Variants in FIP1L1 observed in about 807,000 individuals in gnomAD.
FIP1L1 encodes factor interacting with PAPOLA and CPSF1, also known as pre-mRNA 3'-end-processing factor FIP1.
In FIP1L1, 21 loss-of-function variants were observed where a neutral mutation model predicts 84.6. The ratio of observed to expected loss-of-function variants is 0.25; its 90% CI spans 0.18 to 0.36. The LOEUF is 0.36. Ranked by LOEUF, FIP1L1 falls within the 10% of genes least tolerant of loss-of-function variation. The pLI is 1.00. For missense variants in FIP1L1, 526 were observed against 751.1 expected (o/e 0.70, Z 3.50); for synonymous variants, 263 against 242.3 (o/e 1.09, Z -0.80).
chr4:53,390,521 G>T lies in FIP1L1; in HGVS notation c.398G>T (p.Gly133Val), dbSNP rs764060640. ...KTGGRVYGTT[G>V]TKVKGVDLDA... ...TTCATTTTGTAATTTTATAAAACAG[G>T]GACAAAAGTCAAAGGAGTAGACCTT... Residue 133 changes from glycine to valine, a missense_variant and splice_region_variant, in exon 7 of 18, where the codon GGG (glycine) becomes GTG (valine). Gly to Val is a moderately radical substitution (Grantham distance 109, BLOSUM62 -3). This residue lies in a region of FIP1L1 where 169 missense variants were observed against 206.9 expected (regional missense o/e 0.82). Transcript: ENST00000337488. 2.5e-6 allele frequency: 4 copies of T among 1,598,740 alleles called. No individual in the cohort carries two copies. In the East Asian group the frequency reaches 9.0e-5, roughly 36 times the overall value.
intron 14 of FIP1L1, among the ~76,000 whole-genome samples, chr4:53,443,733 C>T (rs1223924781): frequency 2.0e-5 from 3 of 152,068 alleles, no homozygotes; most frequent in Admixed American, 1.3e-4. Context: ...TTATTTAAGA[C>T]TAAATTTTTA....
At chr4:53,395,919 A>ATTTTTTTTT (rs11400535) in intron 9 of FIP1L1, among the ~76,000 whole-genome samples, 3 of 147,814 alleles carry the variant, frequency 2.0e-5, no homozygotes, top group African/African-American at 2.5e-5. Context: ...GTATTTTATG[A>ATTTTTTTTT]TTTTTTTTTT....
chr4:53,404,451 G>T (rs1392320945), intron 10 of FIP1L1, among the ~76,000 whole-genome samples: 3 of 152,004 alleles, frequency 2.0e-5, no homozygotes, highest in African/African-American at 7.3e-5. Context: ...TTGCTATTGT[G>T]AATAATGCTG....
At chr4:53,432,999 C>T (rs775132477) in intron 13 of FIP1L1, among the ~76,000 whole-genome samples, 5 of 152,050 alleles carry the variant, frequency 3.3e-5, no homozygotes, top group Non-Finnish European at 5.9e-5. Context: ...AAGGTTTTTA[C>T]TGTTTGCCTG....
chr4:53,397,461 G>A (rs1445185146), intron 9 of FIP1L1, among the ~76,000 whole-genome samples: 1 of 152,184 alleles, frequency 6.6e-6, no homozygotes, highest in Non-Finnish European at 1.5e-5. Context: ...GGAGTGGCAT[G>A]CATCTTCTCT....
chr4:53,451,706 T>G (rs1240155265), intron 15 of FIP1L1, among the ~76,000 whole-genome samples: 1 of 152,064 alleles, frequency 6.6e-6, no homozygotes, highest in African/African-American at 2.4e-5. Flanking sequence ...CTAACTTATA[T>G]CCTATTGTGG....
rs772025539 is a variant in FIP1L1 at position 53,383,788 on chromosome 4, G to A, written c.244G>A (p.Glu82Lys). Residue 82 changes from glutamate to lysine, a missense_variant, in exon 5 of 18, where the codon GAA becomes AAA. Coordinates refer to ENST00000337488, the MANE Select transcript of FIP1L1 (RefSeq NM_030917.4). ...GVPKPKVTET[E>K]DDSDSDSDDD... ...GTTCATGTAGAAAGTGACTGAGACC[G>A]AAGATGATAGTGATAGTGACAGCGA... is the stretch of plus-strand genomic sequence containing the variant. 8.1e-6 allele frequency: 13 copies of A among 1,610,112 alleles called. No homozygotes were observed. Among genetic ancestry groups the A allele is most frequent in the African/African-American group, 1.3e-5 (1 of 74,928 alleles).
intron 5 of FIP1L1, among the ~76,000 whole-genome samples, chr4:53,387,632 T>C (rs1185550325): frequency 1.3e-5 from 2 of 152,200 alleles, no homozygotes; most frequent in Non-Finnish European, 2.9e-5. Flanking sequence ...AAAAATGATG[T>C]TTTAAAAGGC....
At position 53,414,833 on chromosome 4, in the gene FIP1L1, C is replaced by T. The variant is rs191391044; in HGVS notation, c.923+111C>T. 1.4e-5 allele frequency: 10 copies of T among 693,476 alleles called. No homozygotes were observed. In the East Asian group the frequency reaches 2.6e-4, roughly 18 times the overall value. 43.0% of individuals were successfully genotyped at this position (693,476 alleles called of 1,614,324 possible). Reference sequence around the variant, plus strand: ...ACTGTACCATATTTTTACCCTCCAACTTATGCTTTTTCAGGGTACAGTTGT... The same window carrying T: ...ACTGTACCATATTTTTACCCTCCAATTTATGCTTTTTCAGGGTACAGTTGT... On this transcript the variant is annotated intron_variant, in intron 11 of 17. Transcript: ENST00000337488.
intron 13 of FIP1L1, among the ~76,000 whole-genome samples, chr4:53,434,446 A>G (rs1768149024): frequency 6.6e-6 from 1 of 152,018 alleles, no homozygotes; most frequent in Non-Finnish European, 1.5e-5. Context: ...AATGAGCATG[A>G]AAAAGGCAAA....
At chr4:53,449,833 T>C (rs1426626442) in intron 15 of FIP1L1, among the ~76,000 whole-genome samples, 1 of 152,174 alleles carries the variant, frequency 6.6e-6, no homozygotes, top group Non-Finnish European at 1.5e-5. Context: ...GTTTTTGTTT[T>C]TGTTTTTAGT....
rs112251209 is a variant in FIP1L1, at chr4:53,452,996, T to C, written c.1362T>C (p.Tyr454=). ...LVDTSKQWDY[Y]ARREKDRDRE... ...ACACCAGCAAGCAGTGGGACTATTATGCCAGAAGAGAGAAAGACCGAGATA... is the reference window on the plus strand; with the variant it reads ...ACACCAGCAAGCAGTGGGACTATTACGCCAGAAGAGAGAAAGACCGAGATA... Residue 454 remains tyrosine (Y), a synonymous_variant, in exon 16 of 18, where the codon TAT becomes TAC. Transcript: ENST00000337488. 9 of 1,613,690 alleles carry C rather than the reference T, an allele frequency of 5.6e-6. No individual in the cohort carries two copies. The Admixed American group carries it at 6.7e-5, about 12-fold the overall frequency.
At chr4:53,384,799 A>G (rs185927831) in intron 5 of FIP1L1, among the ~76,000 whole-genome samples, 1 of 152,376 alleles carries the variant, frequency 6.6e-6, no homozygotes. Flanking sequence ...TGTTTTTCAA[A>G]TTGGCTGTAT....
intron 13 of FIP1L1, among the ~76,000 whole-genome samples, chr4:53,432,667 T>G (rs1020749725): frequency 6.6e-6 from 1 of 152,170 alleles, no homozygotes; most frequent in Non-Finnish European, 1.5e-5. Flanking sequence ...TCTTGAACAA[T>G]ATCTGAAGTA....
At chr4:53,391,264 T>G (rs1744116029) in intron 8 of FIP1L1, 125 bp downstream of exon 8, 2 of 1,266,406 alleles carry the variant, frequency 1.6e-6, no homozygotes, top group East Asian at 4.7e-5. Context: ...CCATTTTGTT[T>G]ACCATGTTTG....
At chr4:53,419,647 C>T (rs1761292068) in intron 11 of FIP1L1, among the ~76,000 whole-genome samples, 1 of 152,056 alleles carries the variant, frequency 6.6e-6, no homozygotes, top group Admixed American at 6.5e-5. Context: ...CTATGTTGCT[C>T]AGGCTGATCT....
At chr4:53,380,887 G>T (rs948793027) in intron 3 of FIP1L1, among the ~76,000 whole-genome samples, 1 of 152,066 alleles carries the variant, frequency 6.6e-6, no homozygotes, top group African/African-American at 2.4e-5. Context: ...TTTTCTATAT[G>T]ATAATCTTTA....
intron 9 of FIP1L1, among the ~76,000 whole-genome samples, chr4:53,392,851 A>G (rs894254186): frequency 6.6e-6 from 1 of 152,210 alleles, no homozygotes; most frequent in African/African-American, 2.4e-5. Context: ...GTCATAGAGT[A>G]TTCCATTCTG....
chr4:53,406,474 T>A (rs1383842991), intron 10 of FIP1L1, among the ~76,000 whole-genome samples: 2 of 152,204 alleles, frequency 1.3e-5, no homozygotes, highest in African/African-American at 4.8e-5. Flanking sequence ...AATTCTCTTT[T>A]TTGGTTGTTT....
Sources: allele counts gnomAD v4.1 joint callset (sites outside exome capture counted in the v4.1 genomes callset), GRCh38; gene constraint gnomAD v4.1.1; regional missense constraint gnomAD v4.1.1; transcripts MANE v1.5; gene names NCBI Gene and HGNC (gene_info 2026-07-23, HGNC 2026-07-21).